Variants in VAV3 observed in about 807,000 individuals in gnomAD.
VAV3 encodes guanine nucleotide exchange factor VAV3.
A neutral mutation model predicts 131.2 loss-of-function variants in VAV3; 94 were observed. The ratio of observed to expected loss-of-function variants is 0.72; its 90% CI spans 0.61 to 0.85. VAV3 has a LOEUF of 0.85. Among genes scored for constraint, VAV3 ranks in the 40% least tolerant of loss-of-function variants. The probability of loss-of-function intolerance (pLI) is 0.00; values close to 1 mark genes in which losing one functional copy is unlikely to be tolerated. For synonymous variants in VAV3, 349 were observed against 342.0 expected, an observed-to-expected ratio of 1.02 and a Z score of -0.22; for missense variants, 939 against 1,002.7, an observed-to-expected ratio of 0.94 and a Z score of 0.86.
chr1:107,731,482 G>T (rs559319023), intron 15 of VAV3, among the ~76,000 whole-genome samples: 1 of 152,306 alleles, frequency 6.6e-6, no homozygotes, highest in African/African-American at 2.4e-5. Flanking sequence ...ATATCTGAAA[G>T]ATTTCCAGGT....
At chr1:107,864,536 T>C (rs747237364) in intron 2 of VAV3, among the ~76,000 whole-genome samples, 9 of 152,108 alleles carry the variant, frequency 5.9e-5, no homozygotes, top group Non-Finnish European at 1.3e-4. Context: ...GGTGGAAGGA[T>C]TGCTTCAGTC....
chr1:107,670,936 T>C (rs1002963839), intron 19 of VAV3, among the ~76,000 whole-genome samples: 4 of 152,308 alleles, frequency 2.6e-5, no homozygotes, highest in Non-Finnish European at 5.9e-5. Flanking sequence ...CTCAAAATCA[T>C]TGGCCAGATT....
At chr1:107,681,685 C>T (rs1407782081) in intron 19 of VAV3, among the ~76,000 whole-genome samples, 3 of 149,542 alleles carry the variant, frequency 2.0e-5, no homozygotes, top group Non-Finnish European at 4.4e-5. Flanking sequence ...GACAGAGTCT[C>T]GCTTTGTCAC....
intron 21 of VAV3, 85 bp from the exon 22 acceptor site, chr1:107,610,050 A>C: frequency 7.5e-7 from 1 of 1,329,442 alleles, no homozygotes. Context: ...CAGCTGACTC[A>C]GCTCTATAAA....
At chr1:107,845,424 G>A (rs958213364) in intron 2 of VAV3, among the ~76,000 whole-genome samples, 1 of 152,034 alleles carries the variant, frequency 6.6e-6, no homozygotes, top group African/African-American at 2.4e-5. Context: ...TGCCAGCAAG[G>A]GAACAAAACT....
Position 107,837,322 on chromosome 1 carries a change from T to C in VAV3, c.321+37579A>G, listed in dbSNP as rs148161365. Among the ~76,000 whole-genome samples the C allele has an allele frequency of 1.1e-4, 16 of 152,162 alleles. No individual in the cohort carries two copies. The East Asian group carries it at 3.1e-3, about 29-fold the overall frequency. Reference sequence around the variant, plus strand: ...TAAATAGAACTAAAATCAAAAACCATACGATCATCTCAATAGACACAGAAA... The same window carrying C: ...TAAATAGAACTAAAATCAAAAACCACACGATCATCTCAATAGACACAGAAA... On this transcript the variant is annotated intron_variant, in intron 2 of 26. Transcript: ENST00000370056.
chr1:107,700,831 G>A (rs1283861032), intron 17 of VAV3, among the ~76,000 whole-genome samples: 1 of 152,178 alleles, frequency 6.6e-6, no homozygotes, highest in East Asian at 1.9e-4. Context: ...TGGGATTGCT[G>A]AGTCAGTTGG....
Position 107,816,071 on chromosome 1 carries a change from C to T in VAV3, c.322-36579G>A, listed in dbSNP as rs151334139. Reference sequence around the variant, plus strand: ...GGGGCAGAGCTCAGGCAGTAATGCTCGCTCATCCACCCCTCACCTCCTGCT... The same window carrying T: ...GGGGCAGAGCTCAGGCAGTAATGCTTGCTCATCCACCCCTCACCTCCTGCT... On this transcript the variant is annotated intron_variant, in intron 2 of 26. Transcript: ENST00000370056. Among the ~76,000 whole-genome samples the T allele has an allele frequency of 9.7e-3, 1,473 of 152,250 alleles. 10 individuals are homozygous for T. Among genetic ancestry groups the T allele is most frequent in the South Asian group, 0.031 (148 of 4,812 alleles).
chr1:107,737,606 G>A (rs554713999), intron 15 of VAV3, among the ~76,000 whole-genome samples: 58 of 152,334 alleles, frequency 3.8e-4, no homozygotes, highest in African/African-American at 1.2e-3. Context: ...ATGAAAAAAT[G>A]CTCATCATCA....
chr1:107,936,150 A>G (rs150657856), intron 1 of VAV3, among the ~76,000 whole-genome samples: 1 of 152,320 alleles, frequency 6.6e-6, no homozygotes, highest in Non-Finnish European at 1.5e-5. Flanking sequence ...ATATGAATTG[A>G]TAGATAAAAC....
At chr1:107,948,115 T>C (rs1389252951) in intron 1 of VAV3, among the ~76,000 whole-genome samples, 2 of 152,228 alleles carry the variant, frequency 1.3e-5, no homozygotes, top group East Asian at 3.8e-4. Context: ...TCTTTGATTT[T>C]ATAATTTTCA....
At chr1:107,639,304 T>C (rs1460335530) in intron 20 of VAV3, among the ~76,000 whole-genome samples, 2 of 152,020 alleles carry the variant, frequency 1.3e-5, no homozygotes, top group Non-Finnish European at 2.9e-5. Context: ...GCATGATCCA[T>C]ATAAAGAACA....
intron 1 of VAV3, among the ~76,000 whole-genome samples, chr1:107,912,755 T>G (rs1157786521): frequency 6.6e-6 from 1 of 152,220 alleles, no homozygotes; most frequent in Non-Finnish European, 1.5e-5. Flanking sequence ...GAACAGCAGG[T>G]GCACTACTAG....
Position 107,735,455 on chromosome 1 carries a change from G to A in VAV3, c.1502+13513C>T, listed in dbSNP as rs926904706. Reference sequence around the variant, plus strand: ...GAAAAGATCACAAAATAGATAGACCGCTAGCAAGACTAATAAAGAAGAAAA... The same window carrying A: ...GAAAAGATCACAAAATAGATAGACCACTAGCAAGACTAATAAAGAAGAAAA... On this transcript the variant is annotated intron_variant, in intron 15 of 26. Coordinates refer to ENST00000370056, the MANE Select transcript of VAV3 (RefSeq NM_006113.5). Among the ~76,000 whole-genome samples, 9 of 151,944 alleles carry A rather than the reference G, an allele frequency of 5.9e-5. 1 individual carries two copies. The highest frequency in any genetic ancestry group is 4.1e-4 in the South Asian group (2 of 4,822).
chr1:107,803,862 CTG>C (rs1666939641), intron 2 of VAV3, among the ~76,000 whole-genome samples: 1 of 151,964 alleles, frequency 6.6e-6, no homozygotes, highest in African/African-American at 2.4e-5. Context: ...AAGTCCATGA[CTG>C]TTACTTTATT....
chr1:107,623,882 T>C (rs1653792648), intron 20 of VAV3, among the ~76,000 whole-genome samples: 1 of 152,218 alleles, frequency 6.6e-6, no homozygotes, highest in South Asian at 2.1e-4. Flanking sequence ...GGCATAGTTC[T>C]CTTGTAAAGT....
intron 17 of VAV3, among the ~76,000 whole-genome samples, chr1:107,698,085 G>A (rs1659855451): frequency 6.6e-6 from 1 of 152,150 alleles, no homozygotes. Flanking sequence ...ATTTCTCTGT[G>A]CCTTGGTTTC....
intron 1 of VAV3, among the ~76,000 whole-genome samples, chr1:107,926,576 C>G (rs946176187): frequency 1.1e-5 from 1 of 90,922 alleles, no homozygotes; most frequent in Admixed American, 1.5e-4. Context: ...GGATGCCACC[C>G]CTCCCCCATC....
rs898180926 is a variant in VAV3, at chr1:107,825,608, A to T, written c.322-46116T>A. Among the ~76,000 whole-genome samples, 62 of 152,214 alleles carry T rather than the reference A, an allele frequency of 4.1e-4. 1 individual carries two copies. Among genetic ancestry groups the T allele is most frequent in the African/African-American group, 1.5e-3 (61 of 41,540 alleles). On this transcript the variant is annotated intron_variant, in intron 2 of 26. Transcript: ENST00000370056. Reference sequence around the variant, plus strand: ...CTCTCCTACATAAATATTCTGTCAAACTGGTCTACTCCCCTACCTGCAAAT... The same window carrying T: ...CTCTCCTACATAAATATTCTGTCAATCTGGTCTACTCCCCTACCTGCAAAT...
Sources: gnomAD v4.1 joint callset for allele counts (sites outside exome capture counted in the v4.1 genomes callset) on GRCh38, gnomAD v4.1.1 for gene constraint, MANE v1.5 for transcripts, NCBI Gene and HGNC (gene_info 2026-07-23, HGNC 2026-07-21) for gene names.